CERCAM: variants seen among roughly 807,000 people sequenced by gnomAD.
CERCAM encodes cerebral endothelial cell adhesion molecule, also known as inactive glycosyltransferase 25 family member 3.
Under a neutral mutation model 66.0 loss-of-function variants are expected in CERCAM, and 59 were observed. That is an observed-to-expected ratio of 0.89 (90% CI 0.73 to 1.11). CERCAM has a LOEUF of 1.11. Ranked by LOEUF, CERCAM falls within the 50% of genes most tolerant of loss-of-function variation. The pLI, the probability that CERCAM is intolerant of heterozygous loss-of-function variation, is 0.00. For synonymous variants in CERCAM, 318 were observed against 343.6 expected (o/e 0.93, Z 0.83); for missense variants, 840 against 828.3 (o/e 1.01, Z -0.17).
In CERCAM at chr9:128,422,877, G is replaced by T. The variant is rs147490658; in HGVS notation, c.207G>T (p.Thr69=). 1,713 of 1,613,994 alleles carry T rather than the reference G, an allele frequency of 1.1e-3. 14 individuals carry two copies. The African/African-American group carries it at 0.019, about 18-fold the overall frequency. Residue 69 remains threonine (T), a synonymous_variant, in exon 2 of 13, where the codon ACG becomes ACT. Transcript: ENST00000372838. ...PRARMALWCA[T]DHNVDNTTEM... Reference sequence around the variant, plus strand: ...TTCTTCCCGTCCCCAGGTGTGCCACGGACCACAATGTGGACAACACCACAG... The same window carrying T: ...TTCTTCCCGTCCCCAGGTGTGCCACTGACCACAATGTGGACAACACCACAG...
In CERCAM at chr9:128,435,665, G is replaced by A. The variant is rs1834091873; in HGVS notation, c.1548G>A (p.Lys516=). ...MFDQHPNEQY[K]AHFWPRDLVA... ...TCTCACCTTACAGCGAGCAGTACAA[G>A]GCACACTTCTGGCCACGGGACCTGG... The change falls in exon 12 of 13, where the codon AAG becomes AAA. Residue 516 remains lysine (K), a synonymous_variant. Transcript: ENST00000372838. 2 of 1,612,308 alleles carry A rather than the reference G, an allele frequency of 1.2e-6. No individual in the cohort carries two copies. Among genetic ancestry groups the A allele is most frequent in the East Asian group, 2.2e-5 (1 of 44,870 alleles).
intron 9 of CERCAM, chr9:128,432,110 C>T (rs1833989637): frequency 6.6e-6 from 1 of 151,704 alleles, no homozygotes; most frequent in African/African-American, 2.4e-5. Context: ...ATTGCAACCT[C>T]TGCCTCCTGG....
At chr9:128,423,294 G>A (rs781624337) in intron 3 of CERCAM, 31 bp downstream of exon 3, 29 of 1,564,156 alleles carry the variant, frequency 1.9e-5, no homozygotes, top group South Asian at 5.6e-5. Context: ...TCGGGCTTCT[G>A]AAAGGCGGTA....
rs1436258518 is a variant in CERCAM, at chr9:128,423,264, G to T, written c.426+1G>T. On this transcript the variant is annotated splice_donor_variant, in intron 3 of 12. Transcript: ENST00000372838. LOFTEE classifies it high-confidence loss of function. ...GAACTGGGGGGCCGACTATATCCTG[G>T]TGAGGAAGTCTGGCTAGAATCGGGC... 1 of 1,611,646 alleles carries T rather than the reference G, an allele frequency of 6.2e-7. No homozygotes were observed. The highest frequency in any genetic ancestry group is 1.1e-5 in the South Asian group (1 of 91,040).
rs1445751786 is a variant in CERCAM at position 128,422,718 on chromosome 9, C to T, written c.198-150C>T. ...GAACTGTGGTGGGGACCTGGCTGTG[C>T]TGCCTCCAGCCTCTCTGCTGTAGCA... On this transcript the variant is annotated intron_variant, in intron 1 of 12. Transcript: ENST00000372838. The T allele has an allele frequency of 9.6e-6, 8 of 831,710 alleles. No individual in the cohort carries two copies. The East Asian group carries it at 1.1e-4, about 11-fold the overall frequency. 51.5% of individuals were successfully genotyped at this position (831,710 alleles called of 1,614,324 possible).
At chr9:128,425,983 T>C (rs1833837163) in intron 5 of CERCAM, among the ~76,000 whole-genome samples, 1 of 151,900 alleles carries the variant, frequency 6.6e-6, no homozygotes, top group African/African-American at 2.4e-5. Flanking sequence ...TTTTGTATTT[T>C]TTGTAGAGAT....
intron 1 of CERCAM, chr9:128,421,472 C>T: frequency 1.0e-6 from 1 of 998,558 alleles, no homozygotes; most frequent in Non-Finnish European, 1.2e-6. Context: ...TGGGGCCCAA[C>T]GTGGCAGGGA....
chr9:128,419,916 G>A (rs1833668935), upstream of CERCAM: 2 of 152,486 alleles, frequency 1.3e-5, no homozygotes, highest in African/African-American at 4.8e-5. Context: ...TGTCATCCAG[G>A]CTGTAGTGCA....
chr9:128,431,015 G>A, intron 8 of CERCAM, 156 bp from the exon 9 acceptor site: 1 of 900,878 alleles, frequency 1.1e-6, no homozygotes, highest in Non-Finnish European at 1.7e-6. Context: ...CCCAGGTCCA[G>A]TCCCTTGACA....
rs757564903 is a variant in CERCAM, at chr9:128,434,175, G to A, written c.1277G>A (p.Arg426Gln). Residue 426 changes from arginine to glutamine, a missense_variant, in exon 10 of 13, where the codon CGG (arginine) becomes CAG (glutamine). Coordinates refer to ENST00000372838, the MANE Select transcript of CERCAM (RefSeq NM_016174.5). This position sits in a 1 kb window ranked among gnomAD's most constrained non-coding sequence, Gnocchi z 4.5. Reference protein sequence around the residue: ...DVRFESNFRGRLERLMEDVEA... With the variant: ...DVRFESNFRGQLERLMEDVEA... The stretch of plus-strand genomic sequence containing the variant: ...CGCTTTGAGAGCAACTTCAGGGGGC[G>A]GCTGGAGCGGCTGATGGAGGATGTG... 2.0e-5 allele frequency: 33 copies of A among 1,614,020 alleles called. No individual in the cohort carries two copies. The highest frequency in any genetic ancestry group is 3.3e-5 in the Admixed American group (2 of 59,998).
chr9:128,435,663 A>G lies in CERCAM; in HGVS notation c.1546A>G (p.Lys516Glu). ...CCTCTCACCTTACAGCGAGCAGTAC[A>G]AGGCACACTTCTGGCCACGGGACCT... is the stretch of plus-strand genomic sequence containing the variant. ...MFDQHPNEQY[K>E]AHFWPRDLVA... Residue 516 changes from lysine (K) to glutamate (E), a missense_variant, in exon 12 of 13, where the codon AAG becomes GAG. Physicochemically the swap from Lys to Glu is moderately conservative, Grantham distance 56. Transcript: ENST00000372838. 1 of 1,612,028 alleles carries G rather than the reference A, an allele frequency of 6.2e-7. No homozygotes were observed. The highest frequency in any genetic ancestry group is 8.5e-7 in the Non-Finnish European group (1 of 1,179,056).
At chr9:128,433,278 C>CAAAAAA (rs758064235) in intron 9 of CERCAM, among the ~76,000 whole-genome samples, 1 of 70,628 alleles carries the variant, frequency 1.4e-5, no homozygotes, top group Non-Finnish European at 3.1e-5. Flanking sequence ...AACTCCGTCT[C>CAAAAAA]AAAAAAAAAA....
chr9:128,420,890 C>A lies in CERCAM; in HGVS notation c.13C>A (p.Arg5Ser). 7.6e-7 allele frequency: 1 copy of A among 1,308,436 alleles called. No individual in the cohort carries two copies. Among genetic ancestry groups the A allele is most frequent in the South Asian group, 2.2e-5 (1 of 45,012 alleles). The allele number at this position is 1,308,436 out of a possible 1,614,324, so 81.1% of individuals were successfully genotyped here. A position where few individuals can be genotyped will look rare whatever the true frequency, so the allele number is the denominator to read the frequency against. MRAARAAPLLQLLLL... is the reference protein window; with the variant it reads MRAASAAPLLQLLLL... Reference sequence around the variant, plus strand: ...CCAAGCGCCCGCCATGCGCGCTGCCCGCGCCGCGCCGCTGCTCCAGCTGCT... The same window carrying A: ...CCAAGCGCCCGCCATGCGCGCTGCCAGCGCCGCGCCGCTGCTCCAGCTGCT... Residue 5 changes from arginine to serine, a missense_variant, in exon 1 of 13, where the codon CGC becomes AGC. Coordinates refer to ENST00000372838, the MANE Select transcript of CERCAM (RefSeq NM_016174.5). The surrounding 1 kb of genome is among the most constrained non-coding windows in gnomAD (Gnocchi z 5.0).
intron 3 of CERCAM, 22 bp downstream of exon 3, chr9:128,423,285 C>A (rs1376233978): frequency 6.3e-7 from 1 of 1,595,540 alleles, no homozygotes; most frequent in South Asian, 1.1e-5. Context: ...TGGCTAGAAT[C>A]GGGCTTCTGA....
At chr9:128,429,950 G>A (rs778826261) in intron 8 of CERCAM, among the ~76,000 whole-genome samples, 8 of 149,964 alleles carry the variant, frequency 5.3e-5, no homozygotes, top group Non-Finnish European at 1.0e-4. Flanking sequence ...CACCACACCC[G>A]GATTAAAAAA....
intron 8 of CERCAM, among the ~76,000 whole-genome samples, chr9:128,429,646 G>A (rs933850345): frequency 1.3e-5 from 2 of 151,748 alleles, no homozygotes; most frequent in Non-Finnish European, 2.9e-5. Flanking sequence ...GTTGCCCTCC[G>A]TCTGTTGCCC....
chr9:128,432,872 G>A (rs554002754), intron 9 of CERCAM, among the ~76,000 whole-genome samples: 2 of 151,944 alleles, frequency 1.3e-5, no homozygotes, highest in African/African-American at 4.8e-5. Flanking sequence ...GCCAGGCCAG[G>A]TGCGGTGGCT....
At position 128,428,830 on chromosome 9, in the gene CERCAM, CGAGG is replaced by C; in HGVS notation, c.961_963+1del. On this transcript the variant is annotated splice_donor_variant and coding_sequence_variant, in exon 7 of 13. Coordinates refer to ENST00000372838, the MANE Select transcript of CERCAM (RefSeq NM_016174.5). LOFTEE classifies it high-confidence loss of function. ...AGAGGCCCAGCAAGATAGGGTTTGA[CGAGG>C]TAAGTCCCCCAGCCTGTGGGCTCGC... The C allele has an allele frequency of 6.2e-7, 1 of 1,613,950 alleles. No individual in the cohort carries two copies.
At chr9:128,433,938 T>C (rs556464630) in intron 9 of CERCAM, among the ~76,000 whole-genome samples, 164 bp from the exon 10 acceptor site, 1 of 152,262 alleles carries the variant, frequency 6.6e-6, no homozygotes, top group African/African-American at 2.4e-5. Context: ...CAGAGCGAGG[T>C]TGGGATTTCC....
Sources: allele counts gnomAD v4.1 joint callset (sites outside exome capture counted in the v4.1 genomes callset), GRCh38; gene constraint gnomAD v4.1.1; non-coding constraint Gnocchi (gnomAD v3.1); transcripts MANE v1.5; gene names NCBI Gene and HGNC (gene_info 2026-07-23, HGNC 2026-07-21).